TMEM47: variants seen among roughly 807,000 people sequenced by gnomAD.
TMEM47 encodes the protein transmembrane protein 47.
A neutral mutation model predicts 12.4 loss-of-function variants in TMEM47; 3 were observed. The observed-to-expected ratio is 0.24, with a 90% CI of 0.11 to 0.63. The LOEUF (loss-of-function observed/expected upper bound fraction) is 0.63, where lower values mean the gene tolerates loss of function less well. Among genes scored for constraint, TMEM47 ranks in the 20% least tolerant of loss-of-function variants. TMEM47 has a pLI of 0.86. For synonymous variants in TMEM47, 62 were observed against 63.3 expected (o/e 0.98, Z 0.10); for missense variants, 89 against 143.8 (o/e 0.62, Z 1.95).
At chrX:34,647,794 A>G (rs1811013634) in intron 1 of TMEM47, among the ~76,000 whole-genome samples, 1 of 112,267 alleles carries the variant, frequency 8.9e-6, no homozygotes, top group African/African-American at 3.2e-5. Flanking sequence ...CCAGAATGCA[A>G]TTAAGTTGTT....
intron 1 of TMEM47, among the ~76,000 whole-genome samples, chrX:34,648,637 C>T (rs992575822): frequency 9.0e-5 from 10 of 111,713 alleles, no homozygotes; most frequent in African/African-American, 1.3e-4. Context: ...GACATAGGAA[C>T]GGGCAAAGAT....
At chrX:34,645,765 TTC>T (rs1458614939) in intron 1 of TMEM47, among the ~76,000 whole-genome samples, 1 of 112,067 alleles carries the variant, frequency 8.9e-6, no homozygotes, top group African/African-American at 3.2e-5. Flanking sequence ...AAAGAAATAT[TTC>T]TTTGTATATG....
chrX:34,653,310 G>C (rs1922048409), intron 1 of TMEM47, among the ~76,000 whole-genome samples: 1 of 111,586 alleles, frequency 9.0e-6, no homozygotes, highest in Non-Finnish European at 1.9e-5. Flanking sequence ...GATAGTATGT[G>C]AATGATGTTA....
intron 1 of TMEM47, among the ~76,000 whole-genome samples, chrX:34,654,926 T>C (rs918291184): frequency 1.8e-5 from 2 of 111,971 alleles, no homozygotes; most frequent in African/African-American, 6.5e-5. Context: ...AAACTGGGCC[T>C]GCCTTTGATT....
At chrX:34,645,917 T>G (rs1921902138) in intron 1 of TMEM47, among the ~76,000 whole-genome samples, 1 of 111,848 alleles carries the variant, frequency 8.9e-6, no homozygotes, top group African/African-American at 3.2e-5. Flanking sequence ...TCCATAGTAG[T>G]AATCAGGTTG....
chrX:34,650,927 T>C (rs929891274), intron 1 of TMEM47, among the ~76,000 whole-genome samples: 1 of 111,950 alleles, frequency 8.9e-6, no homozygotes, highest in Non-Finnish European at 1.9e-5. Flanking sequence ...CAGACATTAT[T>C]TATATAATCA....
chrX:34,634,850 G>A (rs949348168), intron 2 of TMEM47, among the ~76,000 whole-genome samples: 3 of 112,142 alleles, frequency 2.7e-5, no homozygotes, highest in Non-Finnish European at 5.6e-5. Flanking sequence ...CAATTTGCAT[G>A]GGTAAAATGA....
chrX:34,645,053 C>A (rs1921886273), intron 1 of TMEM47, among the ~76,000 whole-genome samples: 1 of 112,108 alleles, frequency 8.9e-6, no homozygotes, highest in African/African-American at 3.2e-5. Context: ...TATTTTCACT[C>A]ATTCCCAGCA....
intron 1 of TMEM47, among the ~76,000 whole-genome samples, chrX:34,651,935 A>G (rs1922024313): frequency 8.9e-6 from 1 of 112,368 alleles, no homozygotes; most frequent in Admixed American, 9.4e-5. Context: ...AAAGGGGAAA[A>G]ATCTTCAATT....
chrX:34,634,971 T>C (rs907201474), intron 2 of TMEM47, among the ~76,000 whole-genome samples: 1 of 111,946 alleles, frequency 8.9e-6, no homozygotes, highest in Non-Finnish European at 1.9e-5. Context: ...TGTAATTGTA[T>C]ATGCGGTTGG....
At chrX:34,637,072 G>A (rs1453900008) in intron 2 of TMEM47, among the ~76,000 whole-genome samples, 1 of 111,901 alleles carries the variant, frequency 8.9e-6, no homozygotes, top group African/African-American at 3.2e-5. Context: ...ATCTAACTTT[G>A]AGATTGTTAT....
chrX:34,628,538 T>C lies in TMEM47; in HGVS notation c.*1775A>G, dbSNP rs1921549861. On this transcript the variant is annotated 3_prime_UTR_variant, in exon 3 of 3. Transcript: ENST00000275954. ...TCATGTGTGTTTTCTAGCATTTGGA[T>C]AATAAAATAGGTTTTTTTTTTTTGG... 9.1e-6 allele frequency: 1 copy of C among 109,518 alleles called. No homozygotes were observed. Among genetic ancestry groups the C allele is most frequent in the Admixed American group, 9.7e-5 (1 of 10,265 alleles). The allele number at this position is 109,518 out of a possible 1,213,427, so 9.0% of individuals were successfully genotyped here. A position where few individuals can be genotyped will look rare whatever the true frequency, so the allele number is the denominator to read the frequency against.
intron 2 of TMEM47, among the ~76,000 whole-genome samples, chrX:34,638,933 GA>G (rs1014859947): frequency 1.8e-5 from 2 of 111,524 alleles, no homozygotes; most frequent in South Asian, 3.8e-4. Flanking sequence ...TAAAAAAGGG[GA>G]AAAAACTGGA....
chrX:34,656,741 T>C, intron 1 of TMEM47, 63 bp downstream of exon 1: 10 of 1,127,439 alleles, frequency 8.9e-6, no homozygotes, highest in Non-Finnish European at 1.2e-5. Context: ...GTGACTGTCC[T>C]GGCAGTGGGG....
At chrX:34,654,770 T>C (rs770637570) in intron 1 of TMEM47, among the ~76,000 whole-genome samples, 1 of 112,136 alleles carries the variant, frequency 8.9e-6, no homozygotes, top group South Asian at 3.7e-4. Flanking sequence ...TTTTTACCCA[T>C]TTGCTTATGA....
rs182736162 is a variant in TMEM47, at chrX:34,640,768, C to A, written c.227-1381G>T. Reference sequence around the variant, plus strand: ...GGAATTGCCAATACCCTAAGATTTTCTTTTATTTATATTTGTACATCCCTG... The same window carrying A: ...GGAATTGCCAATACCCTAAGATTTTATTTTATTTATATTTGTACATCCCTG... On this transcript the variant is annotated intron_variant, in intron 1 of 2. Coordinates refer to ENST00000275954, the MANE Select transcript of TMEM47 (RefSeq NM_031442.4). Among the ~76,000 whole-genome samples, 300 of 111,392 alleles carry A rather than the reference C, an allele frequency of 2.7e-3. 2 individuals carry two copies. The highest frequency in any genetic ancestry group is 4.7e-3 in the Middle Eastern group (1 of 214).
At chrX:34,641,622 A>T (rs1921819082) in intron 1 of TMEM47, among the ~76,000 whole-genome samples, 1 of 112,265 alleles carries the variant, frequency 8.9e-6, no homozygotes, top group Non-Finnish European at 1.9e-5. Flanking sequence ...ATGAATTTTG[A>T]TCACTTTTCT....
At chrX:34,649,788 C>T (rs1302375927) in intron 1 of TMEM47, among the ~76,000 whole-genome samples, 2 of 111,842 alleles carry the variant, frequency 1.8e-5, no homozygotes, top group African/African-American at 3.2e-5. Context: ...TGCAGTGGCA[C>T]GATCTCGGCT....
intron 2 of TMEM47, among the ~76,000 whole-genome samples, chrX:34,632,429 G>GA (rs1248062315): frequency 9.0e-6 from 1 of 111,531 alleles, no homozygotes; most frequent in Non-Finnish European, 1.9e-5. Context: ...GTATGATGAA[G>GA]ATTCCTAGAA....
Sources: gnomAD v4.1 joint callset for allele counts (sites outside exome capture counted in the v4.1 genomes callset) on GRCh38, gnomAD v4.1.1 for gene constraint, MANE v1.5 for transcripts, NCBI Gene and HGNC (gene_info 2026-07-23, HGNC 2026-07-21) for gene names.